The following VEPH1 variants were observed in gnomAD, a reference collection of about 807,000 sequenced individuals.
The protein encoded by VEPH1 is ventricular zone expressed PH domain containing 1.
Under a neutral mutation model 85.2 loss-of-function variants are expected in VEPH1, and 80 were observed. That is an observed-to-expected ratio of 0.94 (90% CI 0.78 to 1.13). The LOEUF (loss-of-function observed/expected upper bound fraction) is 1.13. VEPH1 is among the 50% of genes most tolerant of loss of function. VEPH1 has a pLI of 0.00. For missense variants in VEPH1, 955 were observed against 980.5 expected (o/e 0.97, Z 0.35); for synonymous variants, 297 against 348.0 (o/e 0.85, Z 1.63).
intron 7 of VEPH1, among the ~76,000 whole-genome samples, chr3:157,378,737 G>A (rs573814436): frequency 1.3e-5 from 2 of 152,214 alleles, no homozygotes; most frequent in South Asian, 4.1e-4. Context: ...TGTGTGTAGG[G>A]GTTAAGAGAT....
At chr3:157,410,280 C>T (rs1301661613) in intron 6 of VEPH1, among the ~76,000 whole-genome samples, 1 of 152,120 alleles carries the variant, frequency 6.6e-6, no homozygotes, top group East Asian at 1.9e-4. Flanking sequence ...TATATGGTCC[C>T]ATGTTTCATT....
chr3:157,448,797 G>C (rs1377619488), intron 4 of VEPH1, among the ~76,000 whole-genome samples: 1 of 152,168 alleles, frequency 6.6e-6, no homozygotes, highest in East Asian at 1.9e-4. Context: ...TTGCCCAAGT[G>C]ATATGGTTTG....
At chr3:157,305,681 T>C (rs1380673739) in intron 11 of VEPH1, among the ~76,000 whole-genome samples, 3 of 152,244 alleles carry the variant, frequency 2.0e-5, no homozygotes, top group African/African-American at 7.2e-5. Flanking sequence ...AAATTGCTTT[T>C]TAGAAATGTT....
intron 11 of VEPH1, among the ~76,000 whole-genome samples, chr3:157,289,679 G>A (rs1717232206): frequency 1.3e-5 from 2 of 152,286 alleles, no homozygotes; most frequent in South Asian, 2.1e-4. Flanking sequence ...TTACCCTTCT[G>A]GGTCCTGCAG....
At chr3:157,501,211 G>A (rs1740068898) in intron 1 of VEPH1, among the ~76,000 whole-genome samples, 1 of 152,132 alleles carries the variant, frequency 6.6e-6, no homozygotes, top group Non-Finnish European at 1.5e-5. Context: ...TAGTCATCCT[G>A]TCCTTACCTC....
chr3:157,415,723 A>G (rs2109043936), intron 5 of VEPH1, among the ~76,000 whole-genome samples: 1 of 152,144 alleles, frequency 6.6e-6, no homozygotes, highest in South Asian at 2.1e-4. Flanking sequence ...ACTACACATC[A>G]CACATCAATT....
intron 8 of VEPH1, 47 bp downstream of exon 8, chr3:157,364,256 G>T: frequency 7.0e-7 from 1 of 1,436,634 alleles, no homozygotes; most frequent in Non-Finnish European, 9.6e-7. Flanking sequence ...AAAGCTAATA[G>T]CGAACATGAA....
intron 10 of VEPH1, among the ~76,000 whole-genome samples, chr3:157,315,236 CA>C (rs1720618846): frequency 6.6e-6 from 1 of 151,788 alleles, no homozygotes; most frequent in South Asian, 2.1e-4. Flanking sequence ...TTATTATTAT[CA>C]AAATAAACTA....
intron 6 of VEPH1, among the ~76,000 whole-genome samples, chr3:157,400,249 T>C (rs1219536920): frequency 1.3e-5 from 2 of 152,128 alleles, no homozygotes; most frequent in Non-Finnish European, 2.9e-5. Context: ...TGAAAACAGA[T>C]GTATTCTTTG....
At chr3:157,328,093 G>A (rs372184775) in intron 9 of VEPH1, among the ~76,000 whole-genome samples, 26 of 152,328 alleles carry the variant, frequency 1.7e-4, no homozygotes, top group African/African-American at 6.0e-4. Flanking sequence ...CTATTTCTAA[G>A]TGTTGTTTAG....
intron 3 of VEPH1, among the ~76,000 whole-genome samples, chr3:157,468,825 C>T (rs1053933198): frequency 1.3e-5 from 2 of 151,826 alleles, no homozygotes; most frequent in East Asian, 3.8e-4. Context: ...TTTAAGTGTA[C>T]AGTTCAGTGG....
At chr3:157,311,058 T>C (rs1720053196) in intron 11 of VEPH1, among the ~76,000 whole-genome samples, 1 of 152,224 alleles carries the variant, frequency 6.6e-6, no homozygotes. Flanking sequence ...CTTCTTCAAT[T>C]GATATGTATT....
intron 11 of VEPH1, among the ~76,000 whole-genome samples, chr3:157,304,038 T>TATATATATATATATATATATATATACAC: frequency 5.7e-4 from 55 of 96,876 alleles, no homozygotes; most frequent in African/African-American, 1.6e-3. Context: ...TATATATATA[T>TATATATATATATATATATATATATACAC]ACACACATAC....
At chr3:157,286,703 C>T (rs1716830363) in intron 11 of VEPH1, 29 bp from the exon 12 acceptor site, 1 of 1,571,684 alleles carries the variant, frequency 6.4e-7, no homozygotes, top group African/African-American at 1.3e-5. Context: ...GCACAAAGAA[C>T]ATAAGCTGCT....
rs1294758177 is a variant in VEPH1, at chr3:157,493,326, T to G, written c.138+1886A>C. 6.6e-6 allele frequency: 3 copies of G among 455,786 alleles called. No individual in the cohort carries two copies. The Admixed American group carries it at 7.1e-5, about 11-fold the overall frequency. 28.2% of individuals were successfully genotyped at this position (455,786 alleles called of 1,614,324 possible). A position where few individuals can be genotyped will look rare whatever the true frequency, so the allele number is the denominator to read the frequency against. On this transcript the variant is annotated intron_variant, in intron 2 of 13. Transcript: ENST00000362010. ...GAAATTGAGAAGTGGAATTGATTAC[T>G]GAGATCCAAGGTCATTAGGAGAGGC...
intron 3 of VEPH1, among the ~76,000 whole-genome samples, chr3:157,466,457 G>A (rs1736387506): frequency 6.6e-6 from 1 of 152,168 alleles, no homozygotes; most frequent in Non-Finnish European, 1.5e-5. Context: ...TCGTTGCCCT[G>A]CAAGACTGGA....
At chr3:157,413,159 A>G (rs1458632308) in intron 6 of VEPH1, among the ~76,000 whole-genome samples, 1 of 152,166 alleles carries the variant, frequency 6.6e-6, no homozygotes, top group Non-Finnish European at 1.5e-5. Context: ...TTTAATATAT[A>G]AAAATCCTAA....
At position 157,460,215 on chromosome 3, in the gene VEPH1, A is replaced by T. The variant is rs1201991529; in HGVS notation, c.495T>A (p.Asp165Glu). The T allele has an allele frequency of 6.2e-7, 1 of 1,614,084 alleles. No homozygotes were observed. The highest frequency in any genetic ancestry group is 8.5e-7 in the Non-Finnish European group (1 of 1,180,040). ...AAITKADLLADHTEVIVKSIL... is the reference protein window; with the variant it reads ...AAITKADLLAEHTEVIVKSIL... ...TGCTCTTTACTATAACTTCCGTGTG[A>T]TCAGCCAGGAGATCTGCCTTGGTAA... is the stretch of plus-strand genomic sequence containing the variant. Residue 165 changes from aspartate (D) to glutamate (E), a missense_variant, in exon 4 of 14, where the codon GAT becomes GAA. Coordinates refer to ENST00000362010, the MANE Select transcript of VEPH1 (RefSeq NM_001167912.2).
intron 9 of VEPH1, among the ~76,000 whole-genome samples, chr3:157,319,873 C>T (rs1013614665): frequency 2.6e-5 from 4 of 152,142 alleles, no homozygotes; most frequent in Admixed American, 6.5e-5. Context: ...GAGAGAGATT[C>T]TTAACTTAGA....
Sources: allele counts gnomAD v4.1 joint callset (sites outside exome capture counted in the v4.1 genomes callset), GRCh38; gene constraint gnomAD v4.1.1; transcripts MANE v1.5; gene names NCBI Gene and HGNC (gene_info 2026-07-23, HGNC 2026-07-21).